PROSER2: variants seen among roughly 807,000 people sequenced by gnomAD.
PROSER2 encodes proline and serine-rich protein 2.
Under a neutral mutation model 14.6 loss-of-function variants are expected in PROSER2, and 18 were observed. The observed-to-expected ratio is 1.23, with a 90% CI of 0.85 to 1.83. The LOEUF is 1.83. Among genes scored for constraint, PROSER2 ranks in the 40% most tolerant of loss-of-function variants. The probability of loss-of-function intolerance (pLI) is 0.00; values close to 1 mark genes in which losing one functional copy is unlikely to be tolerated. For synonymous variants in PROSER2, 367 were observed against 286.4 expected (o/e 1.28, Z -2.84); for missense variants, 823 against 629.8 (o/e 1.31, Z -3.28).
intron 2 of PROSER2, among the ~76,000 whole-genome samples, chr10:11,863,451 C>G (rs1231734061): frequency 6.6e-6 from 1 of 151,922 alleles, no homozygotes; most frequent in Admixed American, 6.6e-5. Context: ...GGCAGGAGAA[C>G]CACTTGAGCC....
At chr10:11,826,399 A>G (rs1242861560) in intron 1 of PROSER2, among the ~76,000 whole-genome samples, 2 of 152,286 alleles carry the variant, frequency 1.3e-5, no homozygotes, top group Admixed American at 1.3e-4. Context: ...ACCTGAAAGT[A>G]GAATTCCCGG....
Position 11,856,149 on chromosome 10 carries a change from G to A in PROSER2, c.138+3934G>A, listed in dbSNP as rs566571675. Among the ~76,000 whole-genome samples the A allele has an allele frequency of 2.0e-5, 3 of 152,164 alleles. No individual in the cohort carries two copies. Among genetic ancestry groups the A allele is most frequent in the African/African-American group, 7.2e-5 (3 of 41,420 alleles). ...GTGTGCTTGTGGAGCTTACTACCTCGAGAGGTGATGCAGGCACAAAATAAA... is the reference window on the plus strand; with the variant it reads ...GTGTGCTTGTGGAGCTTACTACCTCAAGAGGTGATGCAGGCACAAAATAAA... On this transcript the variant is annotated intron_variant, in intron 2 of 3. Transcript: ENST00000277570. The surrounding 1 kb of genome is among the most constrained non-coding windows in gnomAD (Gnocchi z 5.3).
In PROSER2 at chr10:11,870,236, C is replaced by A. The variant is rs775645388; in HGVS notation, c.1138C>A (p.Arg380Ser). 682 of 1,489,470 alleles carry A rather than the reference C, an allele frequency of 4.6e-4. No individual in the cohort carries two copies. Among genetic ancestry groups the A allele is most frequent in the Admixed American group, 5.6e-4 (25 of 44,570 alleles). The allele number at this position is 1,489,470 out of a possible 1,614,324, so 92.3% of individuals were successfully genotyped here. A position where few individuals can be genotyped will look rare whatever the true frequency, so the allele number is the denominator to read the frequency against. ...PGPALPSTRA[R>S]QSFPGPRQPN... ...CCCGGCCCTGCCCAGCACGCGGGCC[C>A]GTCAGAGCTTCCCCGGGCCCCGGCA... is the stretch of plus-strand genomic sequence containing the variant. The change falls in exon 4 of 4, where the codon CGT becomes AGT. Residue 380 changes from arginine (R) to serine (S), a missense_variant. Transcript: ENST00000277570.
At chr10:11,861,526 C>T (rs1329889965) in intron 2 of PROSER2, among the ~76,000 whole-genome samples, 1 of 152,030 alleles carries the variant, frequency 6.6e-6, no homozygotes, top group African/African-American at 2.4e-5. Context: ...GGTTTGAAAT[C>T]CGGCCGTGAA....
At chr10:11,845,092 T>G (rs895843399) in intron 1 of PROSER2, among the ~76,000 whole-genome samples, 2 of 152,162 alleles carry the variant, frequency 1.3e-5, no homozygotes, top group Non-Finnish European at 2.9e-5. Flanking sequence ...CTTTTGCCAT[T>G]GAAAATAATG....
At position 11,869,980 on chromosome 10, in the gene PROSER2, C is replaced by T. The variant is rs1834440474; in HGVS notation, c.882C>T (p.Gly294=). ...TGGCCACCATCCACGGCCACGCCGG[C>T]GCCTTCCCCGCCGCGGGGGACGCCG... ...QVLATIHGHA[G]AFPAAGDAGE... Residue 294 remains glycine (G), a synonymous_variant, in exon 4 of 4, where the codon GGC becomes GGT. Coordinates refer to ENST00000277570, the MANE Select transcript of PROSER2 (RefSeq NM_153256.4). This position sits in a 1 kb window ranked among gnomAD's most constrained non-coding sequence, Gnocchi z 4.4. 8 of 1,296,052 alleles carry T rather than the reference C, an allele frequency of 6.2e-6. No individual in the cohort carries two copies. Among genetic ancestry groups the T allele is most frequent in the African/African-American group, 1.6e-5 (1 of 62,714 alleles). 80.3% of individuals were successfully genotyped at this position (1,296,052 alleles called of 1,614,324 possible).
At chr10:11,841,456 G>A (rs967688731) in intron 1 of PROSER2, among the ~76,000 whole-genome samples, 1 of 151,586 alleles carries the variant, frequency 6.6e-6, no homozygotes, top group Non-Finnish European at 1.5e-5. Flanking sequence ...TGTTGATTTT[G>A]TATTTATTCT....
intron 2 of PROSER2, among the ~76,000 whole-genome samples, chr10:11,854,619 GTT>G (rs11342646): frequency 0.5 from 72,879 of 146,370 alleles, 17,601 homozygotes; most frequent in Middle Eastern, 0.53. Flanking sequence ...CCTGCTGAAA[GTT>G]TTTTTTTTTT....
At chr10:11,825,380 G>C (rs1283329620) in intron 1 of PROSER2, among the ~76,000 whole-genome samples, 4 of 152,198 alleles carry the variant, frequency 2.6e-5, no homozygotes, top group Non-Finnish European at 5.9e-5. Context: ...CTTTGACGGT[G>C]AAGGCCATCG....
At chr10:11,829,920 C>T (rs1436178395) in intron 1 of PROSER2, among the ~76,000 whole-genome samples, 2 of 149,238 alleles carry the variant, frequency 1.3e-5, no homozygotes, top group Non-Finnish European at 3.0e-5. Flanking sequence ...CTTGGCTCAC[C>T]GCAGCCTCCA....
chr10:11,858,752 TA>T (rs1834172378), intron 2 of PROSER2, among the ~76,000 whole-genome samples: 1 of 152,128 alleles, frequency 6.6e-6, no homozygotes, highest in Non-Finnish European at 1.5e-5. Flanking sequence ...AGCTCACGCC[TA>T]TAATCCCAGC....
At position 11,838,562 on chromosome 10, in the gene PROSER2, C is replaced by T. The variant is rs996998311; in HGVS notation, c.-81-13435C>T. On this transcript the variant is annotated intron_variant, in intron 1 of 3. Transcript: ENST00000277570. The surrounding 1 kb of genome is among the most constrained non-coding windows in gnomAD (Gnocchi z 4.4). ...AGTGGAATGTGTGGCTCGTAGGACA[C>T]GCTTAGTTTCTCTAAGTATTGCCCA... Among the ~76,000 whole-genome samples the T allele has an allele frequency of 2.3e-4, 35 of 152,284 alleles. No individual in the cohort carries two copies. The highest frequency in any genetic ancestry group is 3.4e-3 in the Middle Eastern group (1 of 292).
chr10:11,825,305 G>A (rs1276267498), intron 1 of PROSER2, among the ~76,000 whole-genome samples: 4 of 152,220 alleles, frequency 2.6e-5, no homozygotes, highest in African/African-American at 9.6e-5. Flanking sequence ...AGCTGCCGGT[G>A]GCACAGAGGC....
At chr10:11,853,856 T>C (rs771202548) in intron 2 of PROSER2, among the ~76,000 whole-genome samples, 1 of 152,220 alleles carries the variant, frequency 6.6e-6, no homozygotes, top group Non-Finnish European at 1.5e-5. Flanking sequence ...GGCATGAGTT[T>C]GATTTTAAAT....
chr10:11,856,294 A>G lies in PROSER2; in HGVS notation c.138+4079A>G, dbSNP rs183241719. Among the ~76,000 whole-genome samples, 1 of 152,244 alleles carries G rather than the reference A, an allele frequency of 6.6e-6. No homozygotes were observed. Among genetic ancestry groups the G allele is most frequent in the East Asian group, 1.9e-4 (1 of 5,174 alleles). ...TCTAAGGCCTGTGTCTCCAGGGCTCACCTCGTCTCACAAAACCCCCTGGGT... is the reference window on the plus strand; with the variant it reads ...TCTAAGGCCTGTGTCTCCAGGGCTCGCCTCGTCTCACAAAACCCCCTGGGT... On this transcript the variant is annotated intron_variant, in intron 2 of 3. Coordinates refer to ENST00000277570, the MANE Select transcript of PROSER2 (RefSeq NM_153256.4). The surrounding 1 kb of genome is among the most constrained non-coding windows in gnomAD (Gnocchi z 5.3).
rs10625176 is a variant in PROSER2 at position 11,827,682 on chromosome 10, C to CTTT, written c.-82+4224_-82+4226dup. On this transcript the variant is annotated intron_variant, in intron 1 of 3. Transcript: ENST00000277570. Reference sequence around the variant, plus strand: ...CATTGGGCATACAAACATGGAAGTCCTTTTTTTTTTTTTTGAGACATGGTC... The same window carrying CTTT: ...CATTGGGCATACAAACATGGAAGTCCTTTTTTTTTTTTTTTTTGAGACATGGTC... 2.6e-3 allele frequency among the ~76,000 whole-genome samples: 373 copies of CTTT among 143,402 alleles called. 1 individual carries two copies. The highest frequency in any genetic ancestry group is 4.0e-3 in the African/African-American group (156 of 38,896). The allele number at this position is 143,402 out of a possible 152,430, so 94.1% of individuals were successfully genotyped here.
chr10:11,860,345 G>A (rs942248505), intron 2 of PROSER2, among the ~76,000 whole-genome samples: 7 of 152,282 alleles, frequency 4.6e-5, no homozygotes, highest in African/African-American at 1.2e-4. Flanking sequence ...GGCTGGGCGC[G>A]GTAGCTCACA....
intron 1 of PROSER2, among the ~76,000 whole-genome samples, chr10:11,832,694 G>A (rs1833703752): frequency 6.6e-6 from 1 of 152,174 alleles, no homozygotes; most frequent in Admixed American, 6.5e-5. Flanking sequence ...TAAATTGGAA[G>A]GACTTGATCT....
intron 1 of PROSER2, among the ~76,000 whole-genome samples, chr10:11,843,827 G>A (rs184659179): frequency 7.9e-5 from 12 of 151,994 alleles, no homozygotes; most frequent in African/African-American, 2.7e-4. Flanking sequence ...ACTCCAACCT[G>A]GGTGATAGAG....
Sources: allele counts gnomAD v4.1 joint callset (sites outside exome capture counted in the v4.1 genomes callset), GRCh38; gene constraint gnomAD v4.1.1; non-coding constraint Gnocchi (gnomAD v3.1); transcripts MANE v1.5; gene names NCBI Gene and HGNC (gene_info 2026-07-23, HGNC 2026-07-21).